Variants in PPM1B observed in about 807,000 individuals in gnomAD.
The protein encoded by PPM1B is protein phosphatase, Mg2+/Mn2+ dependent 1B, also known as protein phosphatase 1B.
Under a neutral mutation model 43.0 loss-of-function variants are expected in PPM1B, and 22 were observed. The ratio of observed to expected loss-of-function variants is 0.51; its 90% CI spans 0.37 to 0.73. The LOEUF is 0.73. Among genes scored for constraint, PPM1B ranks in the 30% least tolerant of loss-of-function variants. The pLI is 0.00. For synonymous variants in PPM1B, 217 were observed against 197.9 expected, an observed-to-expected ratio of 1.10 and a Z score of -0.81; for missense variants, 632 against 584.2, an observed-to-expected ratio of 1.08 and a Z score of -0.84.
intron 1 of PPM1B, among the ~76,000 whole-genome samples, chr2:44,182,425 A>T (rs967391958): frequency 3.3e-5 from 5 of 151,574 alleles, no homozygotes; most frequent in African/African-American, 9.7e-5. Flanking sequence ...ATGCCTGGCT[A>T]ATTTTTTGTA....
At chr2:44,227,177 G>A (rs2104262058) in intron 5 of PPM1B, among the ~76,000 whole-genome samples, 1 of 151,870 alleles carries the variant, frequency 6.6e-6, no homozygotes, top group South Asian at 2.1e-4. Context: ...GTCTCCCCGT[G>A]TTGCTCAGGC....
chr2:44,242,049 G>A (rs1447017643), intron 5 of PPM1B, among the ~76,000 whole-genome samples: 1 of 151,440 alleles, frequency 6.6e-6, no homozygotes, highest in Non-Finnish European at 1.5e-5. Context: ...TAGTAGAGAC[G>A]GGGTTTCACA....
At chr2:44,177,771 C>G (rs1667654552) in intron 1 of PPM1B, among the ~76,000 whole-genome samples, 1 of 151,862 alleles carries the variant, frequency 6.6e-6, no homozygotes, top group African/African-American at 2.4e-5. Context: ...GGTGTATGTA[C>G]ATGACCATAT....
At chr2:44,209,105 C>T (rs1333932088) in intron 2 of PPM1B, 105 bp from the exon 3 acceptor site, 20 of 1,032,836 alleles carry the variant, frequency 1.9e-5, no homozygotes, top group Non-Finnish European at 2.7e-5. Context: ...TAAACATAAA[C>T]GTTCTGGATG....
chr2:44,179,480 G>GTC (rs199688818), intron 1 of PPM1B, among the ~76,000 whole-genome samples: 6 of 151,816 alleles, frequency 4.0e-5, no homozygotes, highest in East Asian at 1.9e-4. Context: ...GATATTGAGA[G>GTC]TCTCTCTCTC....
intron 5 of PPM1B, among the ~76,000 whole-genome samples, chr2:44,224,301 A>G (rs1670113981): frequency 6.6e-6 from 1 of 151,684 alleles, no homozygotes; most frequent in Admixed American, 6.6e-5. Context: ...TAAAAATACA[A>G]AAAATTAGCC....
chr2:44,246,002 A>T (rs1460865639), downstream of PPM1B, among the ~76,000 whole-genome samples: 2 of 152,044 alleles, frequency 1.3e-5, no homozygotes, highest in East Asian at 3.9e-4. Context: ...CCAAAATTTA[A>T]CCCCACCTAT....
chr2:44,218,197 T>C, intron 4 of PPM1B, 119 bp downstream of exon 4: 1 of 762,372 alleles, frequency 1.3e-6, no homozygotes, highest in Non-Finnish European at 2.2e-6. Flanking sequence ...GGTTAGTGTT[T>C]CTTATACTAG....
At chr2:44,232,423 A>ATT (rs1670495097), downstream of PPM1B, 1 of 1,583,954 alleles carries the variant, frequency 6.3e-7, no homozygotes, top group South Asian at 1.2e-5. Flanking sequence ...CTTCAATACA[A>ATT]GGGGAAAATA....
intron 1 of PPM1B, among the ~76,000 whole-genome samples, chr2:44,190,065 C>T (rs1668330514): frequency 6.6e-6 from 1 of 151,872 alleles, no homozygotes; most frequent in Non-Finnish European, 1.5e-5. Flanking sequence ...GATTAAGCTA[C>T]CATTGGGCAT....
Position 44,230,707 on chromosome 2 carries a change from G to T in PPM1B, c.1429G>T (p.Glu477Ter). 6.2e-7 allele frequency: 1 copy of T among 1,603,530 alleles called. No individual in the cohort carries two copies. The highest frequency in any genetic ancestry group is 1.1e-5 in the South Asian group (1 of 89,960). Residue 477 changes from glutamate to a stop codon, truncating the protein, a stop_gained, in exon 6 of 6, where the codon GAA becomes TAA. Transcript: ENST00000282412. LOFTEE classifies it high-confidence loss of function. ...NEDAGTKMSG[E>*]KI Reference sequence around the variant, plus strand: ...AGATGCAGGGACAAAGATGAGTGGTGAAAAAATATGACTTTCCTTTTTGGT... The same window carrying T: ...AGATGCAGGGACAAAGATGAGTGGTTAAAAAATATGACTTTCCTTTTTGGT...
intron 3 of PPM1B, among the ~76,000 whole-genome samples, chr2:44,215,495 A>G (rs1035607534): frequency 6.6e-6 from 1 of 152,144 alleles, no homozygotes; most frequent in Non-Finnish European, 1.5e-5. Flanking sequence ...TTTGTAAAGC[A>G]GTGTTCTTCA....
At position 44,230,271 on chromosome 2, in the gene PPM1B, A is replaced by C. The variant is rs866384275; in HGVS notation, c.1135-142A>C. 3.4e-6 allele frequency: 5 copies of C among 1,474,722 alleles called. No individual in the cohort carries two copies. The African/African-American group carries it at 7.1e-5, about 21-fold the overall frequency. 91.4% of individuals were successfully genotyped at this position (1,474,722 alleles called of 1,614,324 possible). ...TTTTTATTAATTGATACAGGTAAGAATTGATATTTAATAAAATGTTCTCAT... is the reference window on the plus strand; with the variant it reads ...TTTTTATTAATTGATACAGGTAAGACTTGATATTTAATAAAATGTTCTCAT... On this transcript the variant is annotated intron_variant, in intron 5 of 5. Coordinates refer to ENST00000282412, the MANE Select transcript of PPM1B (RefSeq NM_002706.6).
At chr2:44,224,641 AT>A (rs1466485395) in intron 5 of PPM1B, among the ~76,000 whole-genome samples, 8 of 151,968 alleles carry the variant, frequency 5.3e-5, no homozygotes, top group Non-Finnish European at 8.8e-5. Flanking sequence ...GTAAGTTAGT[AT>A]TTTCATCATG....
chr2:44,174,738 C>A (rs1667501671), intron 1 of PPM1B, among the ~76,000 whole-genome samples: 1 of 152,160 alleles, frequency 6.6e-6, no homozygotes, highest in South Asian at 2.1e-4. Flanking sequence ...TAAATCTAAT[C>A]GCATTTTATT....
Position 44,217,975 on chromosome 2 carries a change from G to A in PPM1B, c.973G>A (p.Glu325Lys), listed in dbSNP as rs141814728. 9 of 1,597,288 alleles carry A rather than the reference G, an allele frequency of 5.6e-6. No individual in the cohort carries two copies. The highest frequency in any genetic ancestry group is 5.1e-6 in the Non-Finnish European group (6 of 1,174,272). Residue 325 changes from glutamate (E) to lysine (K), a missense_variant, in exon 4 of 6, where the codon GAG becomes AAG. Glu to Lys is a moderately conservative substitution (Grantham distance 56). Coordinates refer to ENST00000282412, the MANE Select transcript of PPM1B (RefSeq NM_002706.6). Reference protein sequence around the residue: ...HLESRVEEIMEKSGEEGMPDL... With the variant: ...HLESRVEEIMKKSGEEGMPDL... ...TTTTAAAAAACCTACAGAGATTATGGAGAAGTCTGGCGAGGAAGGAATGCC... is the reference window on the plus strand; with the variant it reads ...TTTTAAAAAACCTACAGAGATTATGAAGAAGTCTGGCGAGGAAGGAATGCC...
chr2:44,170,695 G>C (rs1667293902), intron 1 of PPM1B, among the ~76,000 whole-genome samples: 1 of 152,092 alleles, frequency 6.6e-6, no homozygotes, highest in Admixed American at 6.5e-5. Context: ...TTTTAAATGG[G>C]GCATTTCTAA....
At chr2:44,187,773 G>T (rs553576277) in intron 1 of PPM1B, among the ~76,000 whole-genome samples, 59 of 151,642 alleles carry the variant, frequency 3.9e-4, no homozygotes, top group African/African-American at 1.4e-3. Context: ...TTTTTGAAAT[G>T]GAGTCTTGCT....
intron 1 of PPM1B, among the ~76,000 whole-genome samples, chr2:44,193,465 A>G (rs1419996830): frequency 6.6e-6 from 1 of 151,942 alleles, no homozygotes; most frequent in East Asian, 1.9e-4. Context: ...ACAGTGGCCC[A>G]TCACTACAGT....
Sources: allele counts gnomAD v4.1 joint callset (sites outside exome capture counted in the v4.1 genomes callset), GRCh38; gene constraint gnomAD v4.1.1; transcripts MANE v1.5; gene names NCBI Gene and HGNC (gene_info 2026-07-23, HGNC 2026-07-21).